ARHGEF10L: variants seen among roughly 807,000 people sequenced by gnomAD.
ARHGEF10L encodes the protein Rho guanine nucleotide exchange factor 10 like, also known as rho guanine nucleotide exchange factor 10-like protein.
In ARHGEF10L, 69 loss-of-function variants were observed where a neutral mutation model predicts 141.2. That is an observed-to-expected ratio of 0.49 (90% confidence interval 0.40 to 0.60). The LOEUF (loss-of-function observed/expected upper bound fraction) is 0.60. ARHGEF10L is among the 20% of genes least tolerant of loss of function. ARHGEF10L has a pLI of 0.00. For synonymous variants in ARHGEF10L, 711 were observed against 718.5 expected (o/e 0.99, Z 0.17); for missense variants, 1,482 against 1,734.3 (o/e 0.85, Z 2.58).
At chr1:17,617,134 C>T (rs1044850627) in intron 9 of ARHGEF10L, among the ~76,000 whole-genome samples, 3 of 152,218 alleles carry the variant, frequency 2.0e-5, no homozygotes, top group Non-Finnish European at 4.4e-5. Context: ...GGCCAGGGTC[C>T]GGTCAGTACA....
At chr1:17,548,710 A>G (rs906637693) in intron 1 of ARHGEF10L, among the ~76,000 whole-genome samples, 1 of 142,966 alleles carries the variant, frequency 7.0e-6, no homozygotes, top group African/African-American at 2.7e-5. Flanking sequence ...CTGGAGTGCA[A>G]TGGTCTTGGC....
the ARHGEF10L span, among the ~76,000 whole-genome samples, chr1:17,522,114 C>G: frequency 5.3e-5 from 8 of 151,778 alleles, 1 homozygote; most frequent in African/African-American, 1.9e-4. Context: ...GTGTCCCGGG[C>G]AAAGGAGGCA....
intron 7 of ARHGEF10L, among the ~76,000 whole-genome samples, chr1:17,610,133 TC>T (rs752882930): frequency 4.1e-4 from 62 of 152,294 alleles, no homozygotes; most frequent in Non-Finnish European, 7.5e-4. Flanking sequence ...CCAGCGGTGG[TC>T]CCCATGCTTC....
At chr1:17,628,521 CT>C (rs2060505068) in intron 15 of ARHGEF10L, among the ~76,000 whole-genome samples, 2 of 152,120 alleles carry the variant, frequency 1.3e-5, no homozygotes, top group Admixed American at 1.3e-4. Context: ...CCCAGCCCCC[CT>C]GTTCACCTAC....
chr1:17,566,756 C>T (rs1034610750), intron 1 of ARHGEF10L, among the ~76,000 whole-genome samples: 3 of 152,170 alleles, frequency 2.0e-5, no homozygotes, highest in Non-Finnish European at 4.4e-5. Context: ...CCGGTATTCT[C>T]CTTCACCTCA....
In ARHGEF10L at chr1:17,654,733, C is replaced by T. The variant is rs2062125834; in HGVS notation, c.2481+11C>T. The T allele has an allele frequency of 1.2e-6, 2 of 1,612,712 alleles. No homozygotes were observed. Among genetic ancestry groups the T allele is most frequent in the South Asian group, 1.1e-5 (1 of 91,076 alleles). On this transcript the variant is annotated intron_variant, in intron 23 of 28. Coordinates refer to ENST00000361221, the MANE Select transcript of ARHGEF10L (RefSeq NM_018125.4). This position sits in a 1 kb window ranked among gnomAD's most constrained non-coding sequence, Gnocchi z 4.3. Reference sequence around the variant, plus strand: ...CAGGGCTACCTCTGGGTGAGTCACCCCCCTGCCCAGCTGGGCATTCTGGCC... The same window carrying T: ...CAGGGCTACCTCTGGGTGAGTCACCTCCCTGCCCAGCTGGGCATTCTGGCC...
At chr1:17,520,395 G>A in the ARHGEF10L span, among the ~76,000 whole-genome samples, 1 of 152,240 alleles carries the variant, frequency 6.6e-6, no homozygotes. Flanking sequence ...CCAGTAGAAG[G>A]GGGCTGCCCC....
rs367995156 is a variant in ARHGEF10L, at chr1:17,697,116, G to T, written c.3576G>T (p.Glu1192Asp). Residue 1192 changes from glutamate to aspartate, a missense_variant, in exon 29 of 29, where the codon GAG becomes GAT. By Grantham distance (45) the Glu-to-Asp change is conservative. Coordinates refer to ENST00000361221, the MANE Select transcript of ARHGEF10L (RefSeq NM_018125.4). This position sits in a 1 kb window ranked among gnomAD's most constrained non-coding sequence, Gnocchi z 4.8. ...HLPGPLLSMR[E>D]PAPADGAALE... ...CGGGCCCGCTGCTCTCCATGCGGGAGCCGGCGCCTGCTGATGGCGCAGCTT... is the reference window on the plus strand; with the variant it reads ...CGGGCCCGCTGCTCTCCATGCGGGATCCGGCGCCTGCTGATGGCGCAGCTT... 2.0e-5 allele frequency: 33 copies of T among 1,610,206 alleles called. No homozygotes were observed. The African/African-American group carries it at 3.9e-4, about 19-fold the overall frequency.
intron 26 of ARHGEF10L, among the ~76,000 whole-genome samples, chr1:17,682,257 T>C (rs1039213553): frequency 5.9e-5 from 9 of 152,190 alleles, no homozygotes; most frequent in Admixed American, 3.3e-4. Flanking sequence ...TTCGTTTTGA[T>C]ACCTCTGATT....
At chr1:17,661,632 G>C (rs899268821) in intron 25 of ARHGEF10L, among the ~76,000 whole-genome samples, 2 of 152,300 alleles carry the variant, frequency 1.3e-5, no homozygotes, top group African/African-American at 4.8e-5. Context: ...CCAGTTTTGG[G>C]GGGGTGTTTT....
intron 1 of ARHGEF10L, 48 bp from the exon 2 acceptor site, chr1:17,580,505 C>G: frequency 6.5e-7 from 1 of 1,543,786 alleles, no homozygotes; most frequent in Non-Finnish European, 8.9e-7. Flanking sequence ...GTAGCTGAAA[C>G]TGCAGCCCTG....
chr1:17,547,902 G>T (rs1459888422), intron 1 of ARHGEF10L, among the ~76,000 whole-genome samples: 1 of 152,196 alleles, frequency 6.6e-6, no homozygotes, highest in Admixed American at 6.5e-5. Context: ...AAAGGGAGAG[G>T]CTGTGTTGGG....
upstream of ARHGEF10L, among the ~76,000 whole-genome samples, chr1:17,538,223 A>G (rs1187544017): frequency 6.6e-6 from 1 of 152,198 alleles, no homozygotes; most frequent in Admixed American, 6.5e-5. Flanking sequence ...CATGAGCCTG[A>G]GGTCACTCAA....
chr1:17,640,622 G>A (rs2061275858), intron 21 of ARHGEF10L, among the ~76,000 whole-genome samples: 1 of 152,196 alleles, frequency 6.6e-6, no homozygotes, highest in South Asian at 2.1e-4. Flanking sequence ...ACTGCTAGGG[G>A]TTTTGGTGGA....
Position 17,588,494 on chromosome 1 carries a change from C to T in ARHGEF10L, c.257+15C>T, listed in dbSNP as rs2079223159. The T allele has an allele frequency of 6.2e-7, 1 of 1,613,814 alleles. No homozygotes were observed. Among genetic ancestry groups the T allele is most frequent in the East Asian group, 2.2e-5 (1 of 44,856 alleles). On this transcript the variant is annotated intron_variant, in intron 4 of 28. Coordinates refer to ENST00000361221, the MANE Select transcript of ARHGEF10L (RefSeq NM_018125.4). Reference sequence around the variant, plus strand: ...CCCGGCACAGGGTAAGTGAACCTTGCTCCTTTGCTTTGGCGGTTGGAAACA... The same window carrying T: ...CCCGGCACAGGGTAAGTGAACCTTGTTCCTTTGCTTTGGCGGTTGGAAACA...
At chr1:17,562,664 G>A (rs1014615726) in intron 1 of ARHGEF10L, among the ~76,000 whole-genome samples, 5 of 152,204 alleles carry the variant, frequency 3.3e-5, no homozygotes, top group African/African-American at 9.7e-5. Flanking sequence ...GCTTCTGCTG[G>A]TACTGTGTTG....
At chr1:17,548,094 G>T (rs2076980056) in intron 1 of ARHGEF10L, among the ~76,000 whole-genome samples, 1 of 152,170 alleles carries the variant, frequency 6.6e-6, no homozygotes, top group South Asian at 2.1e-4. Context: ...CAGGTAGGAT[G>T]CTCATGATAT....
In ARHGEF10L at chr1:17,664,454, C is replaced by T. The variant is rs372969634; in HGVS notation, c.2868C>T (p.Val956=). ...LAAYPRTSGG[V]LWDLESPPVC... The stretch of plus-strand genomic sequence containing the variant: ...TCCCCTCTCTCCCTGCAGGAGGTGT[C>T]CTGTGGGACCTGGAGAGCCCTCCCG... The change falls in exon 26 of 29, where the codon GTC becomes GTT. Residue 956 remains valine, a synonymous_variant. Transcript: ENST00000361221. The T allele has an allele frequency of 6.2e-5, 99 of 1,603,382 alleles. No homozygotes were observed. The highest frequency in any genetic ancestry group is 8.1e-5 in the Non-Finnish European group (96 of 1,179,630).
intron 21 of ARHGEF10L, among the ~76,000 whole-genome samples, chr1:17,647,364 C>T (rs1055935953): frequency 7.2e-5 from 11 of 152,142 alleles, no homozygotes; most frequent in South Asian, 2.1e-4. Flanking sequence ...GCATAGACGG[C>T]GGCGCTCAGT....
Sources: allele counts gnomAD v4.1 joint callset (sites outside exome capture counted in the v4.1 genomes callset), GRCh38; gene constraint gnomAD v4.1.1; non-coding constraint Gnocchi (gnomAD v3.1); transcripts MANE v1.5; gene names NCBI Gene and HGNC (gene_info 2026-07-23, HGNC 2026-07-21).